Variants in COTL1 observed in about 807,000 individuals in gnomAD.
The protein encoded by COTL1 is coactosin like F-actin binding protein 1.
Under a neutral mutation model 16.5 loss-of-function variants are expected in COTL1, and 15 were observed. The ratio of observed to expected loss-of-function variants is 0.91; its 90% CI spans 0.61 to 1.40. The LOEUF (loss-of-function observed/expected upper bound fraction) is 1.40. COTL1 is among the 40% of genes most tolerant of loss of function. COTL1 has a pLI of 0.00. For synonymous variants in COTL1, 112 were observed against 85.3 expected (o/e 1.31, Z -1.73); for missense variants, 220 against 201.5 (o/e 1.09, Z -0.56).
At chr16:84,597,133 G>A (rs1173463839) in intron 2 of COTL1, among the ~76,000 whole-genome samples, 5 of 152,168 alleles carry the variant, frequency 3.3e-5, no homozygotes, top group Non-Finnish European at 5.9e-5. Flanking sequence ...ATCCAGCTCT[G>A]GGTTTCAGAG....
chr16:84,590,375 C>A lies in COTL1; in HGVS notation c.161-113G>T, dbSNP rs370794775. On this transcript the variant is annotated intron_variant, in intron 2 of 3. Transcript: ENST00000262428. This position sits in a 1 kb window ranked among gnomAD's most constrained non-coding sequence, Gnocchi z 5.5. ...CGCCTGGAGCAGCACAGCAGGAGAC[C>A]GGTGCAGTTCCCTGGGAGCACCATG... 1 of 1,257,796 alleles carries A rather than the reference C, an allele frequency of 8.0e-7. No individual in the cohort carries two copies. Among genetic ancestry groups the A allele is most frequent in the South Asian group, 1.4e-5 (1 of 69,960 alleles). 77.9% of individuals were successfully genotyped at this position (1,257,796 alleles called of 1,614,324 possible). A position where few individuals can be genotyped will look rare whatever the true frequency, so the allele number is the denominator to read the frequency against.
intron 3 of COTL1, among the ~76,000 whole-genome samples, chr16:84,582,718 C>T (rs111506142): frequency 3.3e-5 from 5 of 152,184 alleles, no homozygotes; most frequent in African/African-American, 1.2e-4. Context: ...TGGAGAAGCC[C>T]TTTTCACACC....
At chr16:84,615,075 G>A (rs1905436637) in intron 2 of COTL1, among the ~76,000 whole-genome samples, 1 of 152,222 alleles carries the variant, frequency 6.6e-6, no homozygotes, top group South Asian at 2.1e-4. Context: ...CTGCTATCCA[G>A]CCAGTGCCAG....
chr16:84,593,299 G>A (rs1394426466), intron 2 of COTL1, among the ~76,000 whole-genome samples: 1 of 152,134 alleles, frequency 6.6e-6, no homozygotes, highest in Non-Finnish European at 1.5e-5. Flanking sequence ...ACACTGCGCA[G>A]GTGAATCCAC....
At chr16:84,612,227 A>C (rs16974285) in intron 2 of COTL1, among the ~76,000 whole-genome samples, 1,523 of 152,270 alleles carry the variant, frequency 0.01, 25 homozygotes, top group African/African-American at 0.033. Flanking sequence ...TGGGTAACTC[A>C]CCTGCTCCAG....
chr16:84,585,087 C>T (rs1042444669), intron 3 of COTL1, among the ~76,000 whole-genome samples: 18 of 152,154 alleles, frequency 1.2e-4, no homozygotes, highest in African/African-American at 4.3e-4. Context: ...GAATATGACA[C>T]AGCAAGTCAA....
At chr16:84,573,127 T>C (rs56062652) in intron 3 of COTL1, among the ~76,000 whole-genome samples, 20,304 of 152,226 alleles carry the variant, frequency 0.13, 1,594 homozygotes, top group East Asian at 0.31. Context: ...TTTAATAGTA[T>C]TTTATCTAAT....
At chr16:84,605,509 G>A (rs1905194916) in intron 2 of COTL1, among the ~76,000 whole-genome samples, 1 of 152,218 alleles carries the variant, frequency 6.6e-6, no homozygotes. Flanking sequence ...ATCCTGAGAT[G>A]GGAGATTCTC....
intron 2 of COTL1, among the ~76,000 whole-genome samples, chr16:84,608,267 T>G (rs541728471): frequency 6.6e-6 from 1 of 152,332 alleles, no homozygotes; most frequent in East Asian, 1.9e-4. Context: ...CATTAACTTC[T>G]GAATATTTTC....
intron 3 of COTL1, among the ~76,000 whole-genome samples, chr16:84,581,160 A>T (rs1300529681): frequency 9.5e-4 from 67 of 70,880 alleles, no homozygotes; most frequent in African/African-American, 5.3e-3. Flanking sequence ...CAAACAAACA[A>T]ATAAATATAT....
intron 3 of COTL1, among the ~76,000 whole-genome samples, chr16:84,580,493 C>T (rs534583013): frequency 9.9e-5 from 15 of 152,164 alleles, no homozygotes; most frequent in South Asian, 4.1e-4. Context: ...TCAAGCAATC[C>T]TCCCACTTCA....
At chr16:84,606,844 G>A (rs1905220666) in intron 2 of COTL1, among the ~76,000 whole-genome samples, 1 of 152,222 alleles carries the variant, frequency 6.6e-6, no homozygotes, top group East Asian at 1.9e-4. Context: ...GCCCACAGCA[G>A]TAACTGTAGG....
rs547823859 is a variant in COTL1, at chr16:84,618,046, C to G, written c.-132G>C. Reference sequence around the variant, plus strand: ...GGCGGTGGCGACGGCTACGCGGCGCCTGCAAGCTGCGAGCGCGGCGGCGGC... The same window carrying G: ...GGCGGTGGCGACGGCTACGCGGCGCGTGCAAGCTGCGAGCGCGGCGGCGGC... On this transcript the variant is annotated 5_prime_UTR_variant, in exon 1 of 4. Coordinates refer to ENST00000262428, the MANE Select transcript of COTL1 (RefSeq NM_021149.5). 63 of 323,610 alleles carry G rather than the reference C, an allele frequency of 1.9e-4. No homozygotes were observed. Among genetic ancestry groups the G allele is most frequent in the African/African-American group, 1.3e-3 (59 of 44,342 alleles). The allele number at this position is 323,610 out of a possible 1,614,324, so 20.0% of individuals were successfully genotyped here.
intron 1 of COTL1, 127 bp from the exon 2 acceptor site, chr16:84,617,710 C>A (rs909042972): frequency 7.3e-7 from 1 of 1,373,212 alleles, no homozygotes; most frequent in African/African-American, 1.4e-5. Flanking sequence ...CCTGGCACGC[C>A]GTCCCGGAAT....
chr16:84,608,160 G>A (rs192147028), intron 2 of COTL1, among the ~76,000 whole-genome samples: 276 of 152,262 alleles, frequency 1.8e-3, no homozygotes, highest in Non-Finnish European at 2.7e-3. Context: ...CTGGGTGTGG[G>A]TGGGCACCAG....
intron 3 of COTL1, among the ~76,000 whole-genome samples, chr16:84,574,331 C>G (rs1291944913): frequency 6.6e-6 from 1 of 152,224 alleles, no homozygotes; most frequent in Non-Finnish European, 1.5e-5. Context: ...CTCGAGGCAG[C>G]TGCCACAACC....
At chr16:84,597,181 T>C (rs1905023110) in intron 2 of COTL1, among the ~76,000 whole-genome samples, 1 of 152,172 alleles carries the variant, frequency 6.6e-6, no homozygotes, top group Non-Finnish European at 1.5e-5. Flanking sequence ...GAGTCACTCC[T>C]TCTGTGAGTC....
intron 3 of COTL1, among the ~76,000 whole-genome samples, chr16:84,580,215 A>G (rs966600546): frequency 6.6e-6 from 1 of 152,312 alleles, no homozygotes; most frequent in East Asian, 1.9e-4. Context: ...CCTAGGGTGC[A>G]GGGATCTCCT....
intron 3 of COTL1, chr16:84,567,634 C>T (rs1224351605): frequency 1.3e-5 from 2 of 152,318 alleles, no homozygotes; most frequent in Non-Finnish European, 2.9e-5. Context: ...GAGGCTCTGC[C>T]TTCTTTCAAC....
Sources: allele counts gnomAD v4.1 joint callset (sites outside exome capture counted in the v4.1 genomes callset), GRCh38; gene constraint gnomAD v4.1.1; non-coding constraint Gnocchi (gnomAD v3.1); transcripts MANE v1.5; gene names NCBI Gene and HGNC (gene_info 2026-07-23, HGNC 2026-07-21).